Variants in FTCDNL1 observed in about 807,000 individuals in gnomAD.
FTCDNL1 encodes the protein formiminotransferase cyclodeaminase N-terminal like, also known as formiminotransferase N-terminal subdomain-containing protein.
FTCDNL1 carries 11 observed loss-of-function variants against 5.9 expected under a neutral mutation model. The observed-to-expected ratio is 1.87, with a 90% confidence interval of 1.18 to 3.10. The LOEUF (loss-of-function observed/expected upper bound fraction) is 3.10, where lower values mean the gene tolerates loss of function less well. Ranked by LOEUF, FTCDNL1 falls within the 30% of genes most tolerant of loss-of-function variation. FTCDNL1 has a pLI of 0.00. For synonymous variants in FTCDNL1, 58 were observed against 24.8 expected (o/e 2.34, Z -3.99); for missense variants, 115 against 65.5 (o/e 1.76, Z -2.61).
chr2:199,679,912 A>C, the FTCDNL1 span, among the ~76,000 whole-genome samples: 1 of 152,162 alleles, frequency 6.6e-6, no homozygotes, highest in Non-Finnish European at 1.5e-5. Flanking sequence ...GAAATTATTT[A>C]TTTTATATAT....
the FTCDNL1 span, among the ~76,000 whole-genome samples, chr2:199,688,250 A>C: frequency 0.11 from 16,031 of 142,544 alleles, 1,272 homozygotes; most frequent in Middle Eastern, 0.23. Context: ...AAAAAATTAG[A>C]ATTAGAAAAT....
chr2:199,834,710 A>C (rs925506116), intron 3 of FTCDNL1, among the ~76,000 whole-genome samples: 5 of 152,228 alleles, frequency 3.3e-5, no homozygotes, highest in Non-Finnish European at 7.3e-5. Flanking sequence ...AAATGTGGGA[A>C]AGGAAGACGT....
intron 3 of FTCDNL1, among the ~76,000 whole-genome samples, chr2:199,771,767 A>G (rs1306734254): frequency 6.6e-6 from 1 of 152,222 alleles, no homozygotes; most frequent in African/African-American, 2.4e-5. Context: ...GGCGTTGTAT[A>G]TCATTTAGAT....
chr2:199,816,928 G>C (rs368773949), intron 4 of FTCDNL1, among the ~76,000 whole-genome samples: 10 of 152,158 alleles, frequency 6.6e-5, no homozygotes, highest in African/African-American at 2.4e-4. Context: ...TAAGTTCTTT[G>C]AGGACAGATA....
At chr2:199,743,919 A>G in the FTCDNL1 span, among the ~76,000 whole-genome samples, 1 of 152,162 alleles carries the variant, frequency 6.6e-6, no homozygotes, top group Non-Finnish European at 1.5e-5. Flanking sequence ...TGCTTTTAAA[A>G]ATAAATGAAT....
chr2:199,696,489 G>T, the FTCDNL1 span, among the ~76,000 whole-genome samples: 1 of 152,182 alleles, frequency 6.6e-6, no homozygotes. Context: ...AATGCCATGA[G>T]CCTGGTCCCA....
chr2:199,792,745 C>T (rs912033313), intron 3 of FTCDNL1, among the ~76,000 whole-genome samples: 6 of 152,120 alleles, frequency 3.9e-5, no homozygotes, highest in Non-Finnish European at 7.4e-5. Context: ...AGATTTATCT[C>T]CTCGTGTCTC....
At chr2:199,724,199 T>G in the FTCDNL1 span, among the ~76,000 whole-genome samples, 1 of 152,162 alleles carries the variant, frequency 6.6e-6, no homozygotes, top group Non-Finnish European at 1.5e-5. Flanking sequence ...TCTCTGACGG[T>G]TGTATGTATT....
chr2:199,732,971 G>C, the FTCDNL1 span, among the ~76,000 whole-genome samples: 4 of 152,180 alleles, frequency 2.6e-5, no homozygotes, highest in South Asian at 8.3e-4. Context: ...GAGTTGGGGT[G>C]GGGTGGAGAA....
At chr2:199,798,673 G>C (rs981517531) in intron 3 of FTCDNL1, among the ~76,000 whole-genome samples, 23 of 152,168 alleles carry the variant, frequency 1.5e-4, no homozygotes, top group Non-Finnish European at 1.9e-4. Flanking sequence ...TTGACTTTCA[G>C]AACAAGAAAG....
chr2:199,790,139 A>G (rs1428544319), intron 3 of FTCDNL1, among the ~76,000 whole-genome samples: 1 of 152,164 alleles, frequency 6.6e-6, no homozygotes, highest in Non-Finnish European at 1.5e-5. Flanking sequence ...AAGACTATGT[A>G]AAAAATTAAA....
the FTCDNL1 span, among the ~76,000 whole-genome samples, chr2:199,734,466 G>T: frequency 6.6e-6 from 1 of 152,058 alleles, no homozygotes; most frequent in African/African-American, 2.4e-5. Flanking sequence ...TTGTAGGCAG[G>T]ATATTTGGAG....
At chr2:199,714,630 G>C in the FTCDNL1 span, among the ~76,000 whole-genome samples, 2 of 152,094 alleles carry the variant, frequency 1.3e-5, no homozygotes, top group East Asian at 3.9e-4. Context: ...AGTTGACAGT[G>C]AAAAGAAACT....
rs184038407 is a variant in FTCDNL1 at position 199,848,177 on chromosome 2, G to T, written c.115+671C>A. On this transcript the variant is annotated intron_variant, in intron 2 of 4. Coordinates refer to ENST00000420128, the MANE Select transcript of FTCDNL1 (RefSeq NM_001363886.2). ...AAAGACAAATAATACCTAACCATGT[G>T]TCACCACAGGAACATTTTAAAAAAT... Among the ~76,000 whole-genome samples, 143 of 152,274 alleles carry T rather than the reference G, an allele frequency of 9.4e-4. 1 individual carries two copies. Among genetic ancestry groups the T allele is most frequent in the African/African-American group, 3.1e-3 (129 of 41,548 alleles).
At chr2:199,733,091 T>G in the FTCDNL1 span, among the ~76,000 whole-genome samples, 267 of 151,934 alleles carry the variant, frequency 1.8e-3, 2 homozygotes, top group African/African-American at 6.2e-3. Flanking sequence ...ACAGAACATA[T>G]CCCCCAAAGA....
At chr2:199,764,490 G>A (rs1262051776) in intron 3 of FTCDNL1, among the ~76,000 whole-genome samples, 2 of 152,146 alleles carry the variant, frequency 1.3e-5, no homozygotes, top group African/African-American at 4.8e-5. Context: ...TAATATTCGT[G>A]ATTCAGCTCC....
the FTCDNL1 span, among the ~76,000 whole-genome samples, chr2:199,688,961 A>G: frequency 6.6e-6 from 1 of 152,242 alleles, no homozygotes; most frequent in East Asian, 1.9e-4. Flanking sequence ...AGGCAGGAGA[A>G]TCGCTTCAAC....
chr2:199,670,669 T>C, the FTCDNL1 span, among the ~76,000 whole-genome samples: 4 of 152,174 alleles, frequency 2.6e-5, no homozygotes, highest in African/African-American at 9.7e-5. Context: ...TATATGTATG[T>C]ATGTGTGTGT....
At chr2:199,747,614 A>T in the FTCDNL1 span, among the ~76,000 whole-genome samples, 1 of 145,616 alleles carries the variant, frequency 6.9e-6, no homozygotes, top group South Asian at 2.1e-4. Context: ...TCTCTGTGTT[A>T]CAGACCTTGG....
Sources: allele counts gnomAD v4.1 joint callset (sites outside exome capture counted in the v4.1 genomes callset), GRCh38; gene constraint gnomAD v4.1.1; transcripts MANE v1.5; gene names NCBI Gene and HGNC (gene_info 2026-07-23, HGNC 2026-07-21).